The following NAV3 variants were observed in gnomAD, a reference collection of about 807,000 sequenced individuals.
NAV3 encodes neuron navigator 3, also known as pore membrane and/or filament interacting like protein 1.
A neutral mutation model predicts 244.7 loss-of-function variants in NAV3; 87 were observed. The observed-to-expected ratio is 0.36, with a 90% confidence interval of 0.30 to 0.42. The LOEUF is 0.42. Ranked by LOEUF, NAV3 falls within the 20% of genes least tolerant of loss-of-function variation. The pLI is 1.00. For synonymous variants in NAV3, 1,126 were observed against 1,042.2 expected, an observed-to-expected ratio of 1.08 and a Z score of -1.55; for missense variants, 2,663 against 2,893.3, an observed-to-expected ratio of 0.92 and a Z score of 1.83.
rs770123518 is a variant in NAV3, at chr12:77,994,804, C to G, written c.673C>G (p.Leu225Val). The G allele has an allele frequency of 3.1e-6, 5 of 1,610,338 alleles. No individual in the cohort carries two copies. The highest frequency in any genetic ancestry group is 3.4e-6 in the Non-Finnish European group (4 of 1,178,110). ...AKTQQDMQSSLAARYATQSNH... is the reference protein window; with the variant it reads ...AKTQQDMQSSVAARYATQSNH... ...ATTTCTCTGTTTCTCCTCATACAGT[C>G]TGGCAGCCAGATATGCAACTCAGTC... The change falls in exon 6 of 40, where the codon CTG (leucine) becomes GTG (valine). Residue 225 changes from leucine (L) to valine (V), a missense_variant and splice_region_variant. By Grantham distance (32) the Leu-to-Val change is conservative (BLOSUM62 1). Around this residue, in one of 6 missense-constraint regions of NAV3, gnomAD observed 1,521 missense variants for 1,497.0 expected, o/e 1.02. Transcript: ENST00000397909.
At chr12:78,073,816 C>A (rs945796444) in intron 12 of NAV3, among the ~76,000 whole-genome samples, 1 of 152,132 alleles carries the variant, frequency 6.6e-6, no homozygotes, top group Non-Finnish European at 1.5e-5. Context: ...GTAACCAAAA[C>A]AGCATGGTAC....
At chr12:77,582,701 C>A (rs1869421398) in intron 2 of NAV3, among the ~76,000 whole-genome samples, 1 of 152,162 alleles carries the variant, frequency 6.6e-6, no homozygotes, top group Admixed American at 6.5e-5. Context: ...TTAGTGGTGC[C>A]AGTGACACAT....
chr12:78,071,458 T>G (rs1022894013), intron 12 of NAV3, among the ~76,000 whole-genome samples: 3 of 152,052 alleles, frequency 2.0e-5, no homozygotes, highest in African/African-American at 7.2e-5. Context: ...ATATTAGCCC[T>G]TTGTCAGATG....
At chr12:77,928,704 C>T (rs1434693117) in intron 1 of NAV3, among the ~76,000 whole-genome samples, 3 of 152,102 alleles carry the variant, frequency 2.0e-5, no homozygotes, top group Non-Finnish European at 4.4e-5. Flanking sequence ...GTAAATCCTA[C>T]CCTTTCTTTT....
intron 5 of NAV3, among the ~76,000 whole-genome samples, chr12:77,970,765 T>C (rs1892935545): frequency 2.6e-5 from 4 of 152,096 alleles, no homozygotes; most frequent in Admixed American, 2.0e-4. Flanking sequence ...CATCGTGTTT[T>C]ATGTGTTATT....
rs2137251935 is a variant in NAV3 at position 78,050,911 on chromosome 12, T to A, written c.2280T>A (p.Gly760=). ...RLQAGDAPSL[G]AGYPRSGTSR... ...AGGCGGGAGATGCTCCCTCCCTGGG[T>A]GCTGGCTATCCTCGCAGTGGTACCA... Residue 760 remains glycine (G), a synonymous_variant, in exon 11 of 40, where the codon GGT becomes GGA. Transcript: ENST00000397909. The A allele has an allele frequency of 6.2e-7, 1 of 1,614,026 alleles. No individual in the cohort carries two copies. The highest frequency in any genetic ancestry group is 8.5e-7 in the Non-Finnish European group (1 of 1,180,004).
At position 78,039,755 on chromosome 12, in the gene NAV3, A is replaced by G. The variant is rs184499403; in HGVS notation, c.2024-10238A>G. ...TGCCACCAAATAGTAACGTAGGAGT[A>G]CCAAATTGATGCTGTTATTTTTTTT... On this transcript the variant is annotated intron_variant, in intron 9 of 39. Transcript: ENST00000397909. Among the ~76,000 whole-genome samples, 12 of 152,228 alleles carry G rather than the reference A, an allele frequency of 7.9e-5. No homozygotes were observed. In the East Asian group the frequency reaches 2.1e-3, roughly 27 times the overall value.
chr12:77,674,697 A>G (rs1022229178), intron 2 of NAV3, among the ~76,000 whole-genome samples: 11 of 152,298 alleles, frequency 7.2e-5, no homozygotes, highest in African/African-American at 2.4e-4. Flanking sequence ...TCTATACTCC[A>G]ATTTTAAACT....
At chr12:78,100,683 T>A (rs1169971653) in intron 12 of NAV3, among the ~76,000 whole-genome samples, 1 of 152,072 alleles carries the variant, frequency 6.6e-6, no homozygotes, top group Non-Finnish European at 1.5e-5. Context: ...TCTAAGATAC[T>A]CTAATTTCTT....
intron 1 of NAV3, among the ~76,000 whole-genome samples, chr12:77,869,868 A>G (rs1021475002): frequency 2.0e-4 from 31 of 152,348 alleles, no homozygotes; most frequent in African/African-American, 7.2e-4. Flanking sequence ...AACACATACA[A>G]GGCATGCAAT....
At chr12:78,077,388 A>G (rs1953104339) in intron 12 of NAV3, among the ~76,000 whole-genome samples, 1 of 152,244 alleles carries the variant, frequency 6.6e-6, no homozygotes, top group African/African-American at 2.4e-5. Context: ...AGGCAAAATC[A>G]AGATATTGTG....
chr12:78,036,897 A>G lies in NAV3; in HGVS notation c.2024-13096A>G, dbSNP rs915956143. 1.0e-5 allele frequency: 7 copies of G among 701,976 alleles called. No individual in the cohort carries two copies. In the Admixed American group the frequency reaches 1.0e-4, roughly 10 times the overall value. 43.5% of individuals were successfully genotyped at this position (701,976 alleles called of 1,614,324 possible). On this transcript the variant is annotated intron_variant, in intron 9 of 39. Coordinates refer to ENST00000397909, the MANE Select transcript of NAV3 (RefSeq NM_001024383.2). ...GCCTGCTGAACTCTCTGTGTTCCGG[A>G]GCAAAGAAGTAAGGAGAAAGGGAGC...
At chr12:78,068,839 T>G (rs1173050169) in intron 12 of NAV3, among the ~76,000 whole-genome samples, 1 of 151,646 alleles carries the variant, frequency 6.6e-6, no homozygotes, top group Non-Finnish European at 1.5e-5. Flanking sequence ...AAAGGAATTT[T>G]GGTCCTTTTA....
At chr12:78,076,639 C>T (rs1036810267) in intron 12 of NAV3, among the ~76,000 whole-genome samples, 4 of 151,764 alleles carry the variant, frequency 2.6e-5, no homozygotes, top group Non-Finnish European at 5.9e-5. Context: ...ACTCAATAAA[C>T]GTTTATGTAA....
chr12:77,784,151 A>T (rs1176140933), intron 2 of NAV3, among the ~76,000 whole-genome samples: 1 of 152,170 alleles, frequency 6.6e-6, no homozygotes, highest in Non-Finnish European at 1.5e-5. Context: ...AGGACCTGCC[A>T]CTCAGTAACA....
At chr12:77,930,210 A>G (rs143650482) in intron 1 of NAV3, among the ~76,000 whole-genome samples, 3 of 152,174 alleles carry the variant, frequency 2.0e-5, no homozygotes, top group Admixed American at 2.0e-4. Context: ...TTGCTTCTTT[A>G]TAACCCCCTT....
intron 23 of NAV3, among the ~76,000 whole-genome samples, chr12:78,162,677 A>G (rs1343074000): frequency 6.6e-6 from 1 of 150,946 alleles, no homozygotes; most frequent in Non-Finnish European, 1.5e-5. Context: ...CAGCCTGGCC[A>G]ACATAGTGAA....
At chr12:78,034,955 G>A (rs1343244987) in intron 9 of NAV3, among the ~76,000 whole-genome samples, 3 of 152,128 alleles carry the variant, frequency 2.0e-5, no homozygotes, top group African/African-American at 7.2e-5. Context: ...AATTGAGAAT[G>A]AGTATCAATA....
intron 2 of NAV3, among the ~76,000 whole-genome samples, chr12:77,670,832 T>C (rs1217493567): frequency 6.6e-6 from 1 of 152,028 alleles, no homozygotes; most frequent in Non-Finnish European, 1.5e-5. Context: ...GACAACATTA[T>C]ACTGAATGGG....
Sources: allele counts gnomAD v4.1 joint callset (sites outside exome capture counted in the v4.1 genomes callset), GRCh38; gene constraint gnomAD v4.1.1; regional missense constraint gnomAD v4.1.1; transcripts MANE v1.5; gene names NCBI Gene and HGNC (gene_info 2026-07-23, HGNC 2026-07-21).